The following PACRGL variants were observed in gnomAD, a reference collection of about 807,000 sequenced individuals.
The protein encoded by PACRGL is PACRG-like protein.
Under a neutral mutation model 34.5 loss-of-function variants are expected in PACRGL, and 38 were observed. The observed-to-expected ratio is 1.10, with a 90% CI of 0.85 to 1.44. The LOEUF (loss-of-function observed/expected upper bound fraction) is 1.44, where lower values mean the gene tolerates loss of function less well. Among genes scored for constraint, PACRGL ranks in the 40% most tolerant of loss-of-function variants. The pLI is 0.00. For missense variants in PACRGL, 305 were observed against 281.4 expected, an observed-to-expected ratio of 1.08 and a Z score of -0.60; for synonymous variants, 128 against 100.1, an observed-to-expected ratio of 1.28 and a Z score of -1.66.
At chr4:20,756,851 A>G (rs1055611959), downstream of PACRGL, among the ~76,000 whole-genome samples, 6 of 151,566 alleles carry the variant, frequency 4.0e-5, no homozygotes, top group East Asian at 9.8e-4. Flanking sequence ...CCTTTTCCTT[A>G]TGGTTCTTGA....
At chr4:20,719,779 T>C (rs1210122142) in intron 7 of PACRGL, among the ~76,000 whole-genome samples, 3 of 151,816 alleles carry the variant, frequency 2.0e-5, no homozygotes. Flanking sequence ...ATAAGTGTGA[T>C]GTGGTGCTGA....
chr4:20,761,425 C>A, the PACRGL span, among the ~76,000 whole-genome samples: 1 of 152,328 alleles, frequency 6.6e-6, no homozygotes, highest in African/African-American at 2.4e-5. Flanking sequence ...GACTATCTAT[C>A]TAGCTGACAC....
intron 8 of PACRGL, among the ~76,000 whole-genome samples, chr4:20,738,080 T>C (rs1750103154): frequency 1.3e-5 from 2 of 151,342 alleles, no homozygotes; most frequent in South Asian, 4.2e-4. Flanking sequence ...CAGTGAACTA[T>C]GATTGCACCA....
At chr4:20,767,313 T>G in the PACRGL span, 1 of 152,196 alleles carries the variant, frequency 6.6e-6, no homozygotes, top group Non-Finnish European at 1.5e-5. Context: ...ATTGTAATTG[T>G]AAATGATAGC....
intron 8 of PACRGL, among the ~76,000 whole-genome samples, chr4:20,746,711 G>A (rs1752495872): frequency 6.6e-6 from 1 of 152,156 alleles, no homozygotes; most frequent in African/African-American, 2.4e-5. Flanking sequence ...AGAAGGTTAA[G>A]TACTCAGCCT....
intron 8 of PACRGL, among the ~76,000 whole-genome samples, chr4:20,748,027 G>A (rs1560430214): frequency 1.3e-5 from 2 of 151,920 alleles, no homozygotes; most frequent in Non-Finnish European, 2.9e-5. Flanking sequence ...TGGAGTTCAG[G>A]CTTTTATCAG....
At position 20,730,002 on chromosome 4, in the gene PACRGL, T is replaced by G; in HGVS notation, c.*2661T>G. 5 of 1,508,104 alleles carry G rather than the reference T, an allele frequency of 3.3e-6. No homozygotes were observed. The highest frequency in any genetic ancestry group is 4.5e-6 in the Non-Finnish European group (5 of 1,120,486). The allele number at this position is 1,508,104 out of a possible 1,614,324, so 93.4% of individuals were successfully genotyped here. On this transcript the variant is annotated 3_prime_UTR_variant, in exon 9 of 9. Transcript: ENST00000503585. ...CTTCAGTGTCAAGCTGAGCAATCTA[T>G]GCTAAAAGTGGTAGCTCCAACTTTA... is the stretch of plus-strand genomic sequence containing the variant.
intron 1 of PACRGL, chr4:20,701,752 C>G: frequency 2.3e-6 from 1 of 427,680 alleles, no homozygotes; most frequent in South Asian, 1.6e-5. Context: ...CCCTCCCTCC[C>G]CCCAGTCTCT....
At chr4:20,753,545 G>A (rs1197875733), downstream of PACRGL, among the ~76,000 whole-genome samples, 1 of 152,134 alleles carries the variant, frequency 6.6e-6, no homozygotes, top group African/African-American at 2.4e-5. Context: ...CCCCAGGTTT[G>A]TAGAATGAAA....
chr4:20,722,830 C>T (rs535377000), intron 7 of PACRGL, among the ~76,000 whole-genome samples: 4 of 152,094 alleles, frequency 2.6e-5, no homozygotes, highest in African/African-American at 4.8e-5. Context: ...AGTTCTATAC[C>T]GCATACTGAT....
chr4:20,750,618 C>T (rs1578519547), intron 8 of PACRGL, among the ~76,000 whole-genome samples: 1 of 152,190 alleles, frequency 6.6e-6, no homozygotes, highest in African/African-American at 2.4e-5. Flanking sequence ...AATCTCTGGG[C>T]TTTCTGCCAT....
chr4:20,711,888 A>G (rs563591568), intron 5 of PACRGL, among the ~76,000 whole-genome samples: 15 of 152,288 alleles, frequency 9.8e-5, no homozygotes, highest in African/African-American at 3.4e-4. Flanking sequence ...TGCCTTTAAA[A>G]TGCATATAGT....
Position 20,744,764 on chromosome 4 carries a change from T to C in PACRGL, c.*57-7801T>C, listed in dbSNP as rs531079831. Among the ~76,000 whole-genome samples the C allele has an allele frequency of 6.0e-5, 9 of 150,538 alleles. No homozygotes were observed. In the South Asian group the frequency reaches 1.9e-3, roughly 32 times the overall value. ...CACATGTACCCTAGAACTTAAAGAATAATAATAATAAAAATATAAAATAAA... is the reference window on the plus strand; with the variant it reads ...CACATGTACCCTAGAACTTAAAGAACAATAATAATAAAAATATAAAATAAA... On this transcript the variant is annotated intron_variant, in intron 8 of 8. Coordinates refer to the PACRGL transcript ENST00000507634.
intron 7 of PACRGL, chr4:20,715,963 T>G: frequency 1.5e-6 from 1 of 680,414 alleles, no homozygotes; most frequent in Non-Finnish European, 2.4e-6. Flanking sequence ...GCCCATACAC[T>G]GTCTTGTGTA....
At chr4:20,765,829 G>A in the PACRGL span, among the ~76,000 whole-genome samples, 4 of 152,102 alleles carry the variant, frequency 2.6e-5, no homozygotes, top group Admixed American at 1.3e-4. Context: ...AGAAACAGTC[G>A]CCTTTTGGGG....
chr4:20,728,607 A>G lies in PACRGL; in HGVS notation c.*1266A>G, dbSNP rs898407546. The G allele has an allele frequency of 1.3e-5, 2 of 152,622 alleles. No individual in the cohort carries two copies. The highest frequency in any genetic ancestry group is 4.8e-5 in the African/African-American group (2 of 41,460). 9.5% of individuals were successfully genotyped at this position (152,622 alleles called of 1,614,324 possible). A position where few individuals can be genotyped will look rare whatever the true frequency, so the allele number is the denominator to read the frequency against. On this transcript the variant is annotated 3_prime_UTR_variant, in exon 9 of 9. Transcript: ENST00000503585. ...GGAAAAGACCTGTAACATAGACAGTAGAGTTATAAACATTTTATTTTGCTT... is the reference window on the plus strand; with the variant it reads ...GGAAAAGACCTGTAACATAGACAGTGGAGTTATAAACATTTTATTTTGCTT...
At chr4:20,741,247 C>T (rs184397034) in intron 8 of PACRGL, among the ~76,000 whole-genome samples, 9 of 152,292 alleles carry the variant, frequency 5.9e-5, no homozygotes, top group African/African-American at 2.2e-4. Flanking sequence ...GAACTCTCCA[C>T]CCCAAATCAA....
rs774157410 is a variant in PACRGL at position 20,704,777 on chromosome 4, G to C, written c.170G>C (p.Arg57Thr). The C allele has an allele frequency of 6.2e-7, 1 of 1,614,088 alleles. No individual in the cohort carries two copies. Among genetic ancestry groups the C allele is most frequent in the South Asian group, 1.1e-5 (1 of 91,074 alleles). The change falls in exon 3 of 9, where the codon AGA (arginine) becomes ACA (threonine). Residue 57 changes from arginine (R) to threonine (T), a missense_variant. Arg to Thr is a moderately conservative substitution (Grantham distance 71). Coordinates refer to ENST00000503585, the MANE Select transcript of PACRGL (RefSeq NM_001258345.3). Reference protein sequence around the residue: ...SPESARKLHPRPSDKLNPKTI... With the variant: ...SPESARKLHPTPSDKLNPKTI... ...GAGTCTGCAAGAAAACTTCATCCTA[G>C]ACCAAGTGATAAACTGAACCCTAAA...
In PACRGL at chr4:20,730,037, G is replaced by GAATAGTTCACATTT; in HGVS notation, c.*2697_*2710dup. 1.3e-6 allele frequency: 2 copies of GAATAGTTCACATTT among 1,585,486 alleles called. No homozygotes were observed. Among genetic ancestry groups the GAATAGTTCACATTT allele is most frequent in the Non-Finnish European group, 1.7e-6 (2 of 1,168,124 alleles). On this transcript the variant is annotated 3_prime_UTR_variant, in exon 9 of 9. Transcript: ENST00000503585. ...GGTAGCTCCAACTTTAAGGGTGGTA[G>GAATAGTTCACATTT]AATAGTTCACATTTGTCTGTTGGAT... is the stretch of plus-strand genomic sequence containing the variant.
Sources: allele counts gnomAD v4.1 joint callset (sites outside exome capture counted in the v4.1 genomes callset), GRCh38; gene constraint gnomAD v4.1.1; transcripts MANE v1.5; gene names NCBI Gene and HGNC (gene_info 2026-07-23, HGNC 2026-07-21).